SUGCT: variants seen among roughly 807,000 people sequenced by gnomAD.
SUGCT encodes succinyl-CoA:glutarate CoA-transferase.
In SUGCT, 41 loss-of-function variants were observed where a neutral mutation model predicts 55.0. That is an observed-to-expected ratio of 0.74 (90% confidence interval 0.58 to 0.97). The LOEUF (loss-of-function observed/expected upper bound fraction) is 0.97, where lower values mean the gene tolerates loss of function less well. SUGCT is among the 50% of genes least tolerant of loss of function. SUGCT has a pLI of 0.00. For synonymous variants in SUGCT, 187 were observed against 200.4 expected (o/e 0.93, Z 0.56); for missense variants, 568 against 547.8 (o/e 1.04, Z -0.37).
intron 9 of SUGCT, among the ~76,000 whole-genome samples, chr7:40,402,752 C>T (rs779944534): frequency 6.6e-6 from 1 of 152,144 alleles, no homozygotes; most frequent in Non-Finnish European, 1.5e-5. Context: ...TTTAGAAAGT[C>T]CGCTCTCATT....
chr7:40,818,306 G>A (rs1026103357), intron 13 of SUGCT, among the ~76,000 whole-genome samples: 1 of 152,196 alleles, frequency 6.6e-6, no homozygotes, highest in African/African-American at 2.4e-5. Flanking sequence ...TCTTTCAAGA[G>A]AGAATCTGAT....
rs555458712 is a variant in SUGCT, at chr7:40,531,593, CCTAT to C, written c.1089+35214_1089+35217del. ...TTAAGATTATAAGAAGCAAGAAGTT[CCTAT>C]CTATCTTCACAGCCATGTGTTTAAA... On this transcript the variant is annotated intron_variant, in intron 12 of 13. Coordinates refer to ENST00000335693, the MANE Select transcript of SUGCT (RefSeq NM_001193313.2). 3.2e-4 allele frequency among the ~76,000 whole-genome samples: 48 copies of C among 147,902 alleles called. No homozygotes were observed. The East Asian group carries it at 7.3e-3, about 23-fold the overall frequency.
At chr7:40,517,004 C>G (rs1199512276) in intron 12 of SUGCT, among the ~76,000 whole-genome samples, 1 of 151,884 alleles carries the variant, frequency 6.6e-6, no homozygotes. Flanking sequence ...TAATTGCTTC[C>G]AAAAATGTTT....
the SUGCT span, among the ~76,000 whole-genome samples, chr7:40,910,489 T>A: frequency 6.6e-6 from 1 of 152,244 alleles, no homozygotes; most frequent in East Asian, 1.9e-4. Flanking sequence ...TGAAAGTTGA[T>A]CCATGCTTAC....
intron 12 of SUGCT, among the ~76,000 whole-genome samples, chr7:40,726,496 G>T (rs1449254348): frequency 6.6e-6 from 1 of 152,076 alleles, no homozygotes; most frequent in African/African-American, 2.4e-5. Flanking sequence ...GAAAACCCAT[G>T]CATAAGTGGA....
intron 11 of SUGCT, among the ~76,000 whole-genome samples, chr7:40,465,638 C>T (rs1790063562): frequency 6.6e-6 from 1 of 151,940 alleles, no homozygotes; most frequent in African/African-American, 2.4e-5. Context: ...TTATTAGTTA[C>T]ATTCCTCTAA....
chr7:40,779,007 T>C (rs554388058), intron 13 of SUGCT, among the ~76,000 whole-genome samples: 27 of 152,210 alleles, frequency 1.8e-4, no homozygotes, highest in Non-Finnish European at 3.1e-4. Flanking sequence ...GCAGGTAGTG[T>C]TCTGAGCAGA....
At chr7:40,181,853 A>G in intron 2 of SUGCT, 102 bp from the exon 3 acceptor site, 2 of 693,162 alleles carry the variant, frequency 2.9e-6, no homozygotes, top group South Asian at 2.1e-5. Context: ...GATTCTTACT[A>G]GGATTATATG....
intron 12 of SUGCT, among the ~76,000 whole-genome samples, chr7:40,582,809 A>G (rs1475767681): frequency 6.6e-6 from 1 of 152,208 alleles, no homozygotes; most frequent in East Asian, 1.9e-4. Context: ...GCCGTCACAG[A>G]GCACATAGTC....
intron 12 of SUGCT, among the ~76,000 whole-genome samples, chr7:40,680,575 C>T (rs1179538985): frequency 6.6e-6 from 1 of 152,128 alleles, no homozygotes; most frequent in Non-Finnish European, 1.5e-5. Flanking sequence ...GGTAATTATA[C>T]TCTACTCACC....
intron 8 of SUGCT, among the ~76,000 whole-genome samples, chr7:40,290,768 C>T (rs953567867): frequency 2.6e-5 from 4 of 152,076 alleles, no homozygotes; most frequent in African/African-American, 9.7e-5. Context: ...TGACAAAGGG[C>T]TAATATCCAG....
intron 6 of SUGCT, chr7:40,217,569 A>G: frequency 3.2e-6 from 1 of 310,094 alleles, no homozygotes; most frequent in Non-Finnish European, 6.6e-6. Flanking sequence ...CTCAGGTATC[A>G]AAGCATCCCA....
At chr7:40,708,373 C>G (rs779941420) in intron 12 of SUGCT, among the ~76,000 whole-genome samples, 1 of 152,134 alleles carries the variant, frequency 6.6e-6, no homozygotes, top group African/African-American at 2.4e-5. Context: ...CCTGTCAGAG[C>G]TCTTAGTGGA....
At chr7:40,308,596 T>C (rs145521398) in intron 8 of SUGCT, among the ~76,000 whole-genome samples, 44 of 152,288 alleles carry the variant, frequency 2.9e-4, no homozygotes, top group African/African-American at 9.6e-4. Context: ...GACCTCATCT[T>C]GTACTACTGT....
intron 12 of SUGCT, among the ~76,000 whole-genome samples, chr7:40,536,553 G>C (rs1235722193): frequency 2.0e-5 from 3 of 152,202 alleles, no homozygotes; most frequent in Non-Finnish European, 4.4e-5. Context: ...ATGTGAGATA[G>C]CCACATAGGG....
At chr7:40,683,774 T>C (rs1405396656) in intron 12 of SUGCT, among the ~76,000 whole-genome samples, 1 of 152,238 alleles carries the variant, frequency 6.6e-6, no homozygotes, top group African/African-American at 2.4e-5. Flanking sequence ...CTGCGTGAAA[T>C]GGCTTGGGAT....
At chr7:40,400,587 C>G (rs1305312680) in intron 9 of SUGCT, among the ~76,000 whole-genome samples, 8 of 152,154 alleles carry the variant, frequency 5.3e-5, no homozygotes, top group Non-Finnish European at 8.8e-5. Context: ...CTATCTCCAT[C>G]TTGGCATCAT....
intron 13 of SUGCT, among the ~76,000 whole-genome samples, chr7:40,790,814 CTCTG>C (rs1212714616): frequency 4.6e-5 from 7 of 152,192 alleles, no homozygotes; most frequent in East Asian, 3.8e-4. Flanking sequence ...TAGTAATGTA[CTCTG>C]TCTGTAGACA....
At chr7:40,606,502 A>T (rs945482981) in intron 12 of SUGCT, among the ~76,000 whole-genome samples, 19 of 152,174 alleles carry the variant, frequency 1.2e-4, no homozygotes, top group Admixed American at 1.1e-3. Context: ...ATACAGGGGA[A>T]TAGAGGCAAA....
Sources: allele counts gnomAD v4.1 joint callset (sites outside exome capture counted in the v4.1 genomes callset), GRCh38; gene constraint gnomAD v4.1.1; transcripts MANE v1.5; gene names NCBI Gene and HGNC (gene_info 2026-07-23, HGNC 2026-07-21).